Variants in NKAIN2 observed in about 807,000 individuals in gnomAD.
NKAIN2 encodes sodium/potassium transporting ATPase interacting 2, also known as sodium/potassium-transporting ATPase subunit beta-1-interacting protein 2.
NKAIN2 carries 14 observed loss-of-function variants against 32.6 expected under a neutral mutation model. That is an observed-to-expected ratio of 0.43 (90% confidence interval 0.28 to 0.67). The LOEUF (loss-of-function observed/expected upper bound fraction) is 0.67, where lower values mean the gene tolerates loss of function less well. NKAIN2 is among the 30% of genes least tolerant of loss of function. NKAIN2 has a pLI of 0.17. For missense variants in NKAIN2, 198 were observed against 258.3 expected (o/e 0.77, Z 1.60); for synonymous variants, 80 against 87.2 (o/e 0.92, Z 0.46).
chr6:124,361,209 T>C (rs762436140), intron 3 of NKAIN2, among the ~76,000 whole-genome samples: 3 of 152,102 alleles, frequency 2.0e-5, no homozygotes, highest in Non-Finnish European at 2.9e-5. Flanking sequence ...ATTAAATTAT[T>C]TTTTGAATAG....
At chr6:124,358,469 T>C (rs1490012550) in intron 3 of NKAIN2, among the ~76,000 whole-genome samples, 1 of 152,186 alleles carries the variant, frequency 6.6e-6, no homozygotes, top group Non-Finnish European at 1.5e-5. Context: ...ATCACCATTC[T>C]AACTGGTGTG....
At position 124,510,558 on chromosome 6, in the gene NKAIN2, C is replaced by A. The variant is rs78564255; in HGVS notation, c.274-147628C>A. 1.6e-3 allele frequency among the ~76,000 whole-genome samples: 242 copies of A among 152,244 alleles called. 1 individual carries two copies. The highest frequency in any genetic ancestry group is 5.6e-3 in the African/African-American group (232 of 41,562). On this transcript the variant is annotated intron_variant, in intron 3 of 6. Coordinates refer to ENST00000368417, the MANE Select transcript of NKAIN2 (RefSeq NM_001040214.3). ...ATAAAGTTAAGAGATTCATGCTGTT[C>A]TTTATGCATTTGATATTTACAGTTG...
intron 1 of NKAIN2, among the ~76,000 whole-genome samples, chr6:124,123,921 G>T (rs1436978343): frequency 2.6e-5 from 4 of 152,088 alleles, no homozygotes; most frequent in Non-Finnish European, 5.9e-5. Flanking sequence ...CTCGACTTTG[G>T]TTAATTGGAT....
chr6:124,149,304 T>G (rs1385296765), intron 1 of NKAIN2, among the ~76,000 whole-genome samples: 1 of 152,090 alleles, frequency 6.6e-6, no homozygotes, highest in Non-Finnish European at 1.5e-5. Flanking sequence ...ATTTTATCCA[T>G]TTTTTTCTTT....
At chr6:123,882,047 G>A (rs1381424016) in intron 1 of NKAIN2, among the ~76,000 whole-genome samples, 3 of 152,056 alleles carry the variant, frequency 2.0e-5, no homozygotes, top group Non-Finnish European at 4.4e-5. Context: ...AAAAATCTAT[G>A]AATATTTTTG....
intron 4 of NKAIN2, among the ~76,000 whole-genome samples, chr6:124,663,611 A>G (rs1056098456): frequency 1.3e-5 from 2 of 152,214 alleles, no homozygotes; most frequent in African/African-American, 4.8e-5. Flanking sequence ...AACTGTTATT[A>G]TATACATCAG....
intron 4 of NKAIN2, among the ~76,000 whole-genome samples, chr6:124,737,598 G>A (rs1777014703): frequency 6.6e-6 from 1 of 151,884 alleles, no homozygotes; most frequent in Non-Finnish European, 1.5e-5. Context: ...ACAATTTGGA[G>A]GGCTCAGAAG....
chr6:124,473,271 G>A (rs538231415), intron 3 of NKAIN2, among the ~76,000 whole-genome samples: 3 of 152,270 alleles, frequency 2.0e-5, no homozygotes, highest in African/African-American at 7.2e-5. Flanking sequence ...CTTCATTATG[G>A]GAGATGAGAG....
At chr6:124,563,951 C>G (rs1027681453) in intron 3 of NKAIN2, among the ~76,000 whole-genome samples, 5 of 151,966 alleles carry the variant, frequency 3.3e-5, no homozygotes, top group African/African-American at 1.2e-4. Flanking sequence ...GCACATAGGT[C>G]GCATGTTATG....
intron 1 of NKAIN2, among the ~76,000 whole-genome samples, chr6:124,092,474 G>A (rs954679344): frequency 2.0e-5 from 3 of 152,128 alleles, no homozygotes; most frequent in Non-Finnish European, 4.4e-5. Context: ...TTAAAAGGAT[G>A]TAAAGGAAAT....
chr6:124,297,232 T>G (rs1796093533), intron 2 of NKAIN2, among the ~76,000 whole-genome samples: 1 of 152,162 alleles, frequency 6.6e-6, no homozygotes, highest in African/African-American at 2.4e-5. Flanking sequence ...TAACTACTAA[T>G]AGTCTATTAT....
chr6:124,227,726 C>T (rs1792197435), intron 1 of NKAIN2, among the ~76,000 whole-genome samples: 1 of 152,126 alleles, frequency 6.6e-6, no homozygotes, highest in African/African-American at 2.4e-5. Flanking sequence ...CTAATTAGAT[C>T]AACCCAGGCC....
intron 1 of NKAIN2, among the ~76,000 whole-genome samples, chr6:123,965,031 C>G (rs924135629): frequency 1.3e-5 from 2 of 152,096 alleles, no homozygotes; most frequent in African/African-American, 4.8e-5. Flanking sequence ...TGCCATCGAT[C>G]TTCCTTTTAC....
At chr6:124,326,012 T>C (rs1043215193) in intron 2 of NKAIN2, among the ~76,000 whole-genome samples, 2 of 152,020 alleles carry the variant, frequency 1.3e-5, no homozygotes, top group Admixed American at 1.3e-4. Flanking sequence ...TTTTATTCTT[T>C]GGTGACTCCT....
At chr6:124,081,250 A>C (rs1783957422) in intron 1 of NKAIN2, among the ~76,000 whole-genome samples, 1 of 152,080 alleles carries the variant, frequency 6.6e-6, no homozygotes, top group Non-Finnish European at 1.5e-5. Flanking sequence ...ATTTCAAATC[A>C]ATCTATTAAT....
chr6:123,824,457 G>C (rs1488171538), intron 1 of NKAIN2, among the ~76,000 whole-genome samples: 1 of 152,094 alleles, frequency 6.6e-6, no homozygotes, highest in Non-Finnish European at 1.5e-5. Flanking sequence ...AACCCGTCTA[G>C]CTACAATTCA....
chr6:124,239,158 G>T (rs1258792380), intron 1 of NKAIN2, among the ~76,000 whole-genome samples: 2 of 151,866 alleles, frequency 1.3e-5, no homozygotes, highest in African/African-American at 4.8e-5. Context: ...AAAAAGGAAG[G>T]GCATTACATA....
intron 1 of NKAIN2, among the ~76,000 whole-genome samples, chr6:123,810,820 G>T (rs1027398608): frequency 4.6e-5 from 7 of 151,960 alleles, no homozygotes; most frequent in African/African-American, 1.7e-4. Flanking sequence ...CATAATTATT[G>T]TACTTGGGAA....
intron 3 of NKAIN2, among the ~76,000 whole-genome samples, chr6:124,389,743 GTGT>G (rs747651693): frequency 4.0e-5 from 6 of 149,052 alleles, no homozygotes; most frequent in African/African-American, 1.5e-4. Context: ...GTGTGTGTGT[GTGT>G]GTGTGGGTTT....
Sources: gnomAD v4.1 joint callset for allele counts (sites outside exome capture counted in the v4.1 genomes callset) on GRCh38, gnomAD v4.1.1 for gene constraint, MANE v1.5 for transcripts, NCBI Gene and HGNC (gene_info 2026-07-23, HGNC 2026-07-21) for gene names.